Variants in FSTL4 observed in about 807,000 individuals in gnomAD.
FSTL4 encodes the protein follistatin like 4, also known as follistatin-related protein 4.
A neutral mutation model predicts 78.2 loss-of-function variants in FSTL4; 28 were observed. The ratio of observed to expected loss-of-function variants is 0.36; its 90% CI spans 0.27 to 0.49. The LOEUF (loss-of-function observed/expected upper bound fraction) is 0.49. Among genes scored for constraint, FSTL4 ranks in the 20% least tolerant of loss-of-function variants. The probability of loss-of-function intolerance (pLI) is 0.98; values close to 1 mark genes in which losing one functional copy is unlikely to be tolerated. For synonymous variants in FSTL4, 422 were observed against 440.5 expected (o/e 0.96, Z 0.53); for missense variants, 922 against 1,084.9 (o/e 0.85, Z 2.11).
At chr5:133,763,455 CAT>C in the FSTL4 span, among the ~76,000 whole-genome samples, 1 of 152,192 alleles carries the variant, frequency 6.6e-6, no homozygotes, top group South Asian at 2.1e-4. Context: ...TCCCTTCGTG[CAT>C]TTATCTGCAT....
At chr5:133,439,334 G>A (rs1757102314) in intron 3 of FSTL4, among the ~76,000 whole-genome samples, 1 of 151,942 alleles carries the variant, frequency 6.6e-6, no homozygotes, top group Non-Finnish European at 1.5e-5. Flanking sequence ...ACATGACCGG[G>A]CCCAAACTTG....
At chr5:133,448,835 G>A (rs1757324651) in intron 3 of FSTL4, among the ~76,000 whole-genome samples, 1 of 151,904 alleles carries the variant, frequency 6.6e-6, no homozygotes, top group Non-Finnish European at 1.5e-5. Flanking sequence ...GTGATAAGAT[G>A]GGGTTTTAAA....
chr5:133,526,006 T>G (rs1031922551), intron 3 of FSTL4, among the ~76,000 whole-genome samples: 4 of 152,200 alleles, frequency 2.6e-5, no homozygotes, highest in Admixed American at 2.6e-4. Flanking sequence ...AGCAGCTTGT[T>G]ATTCTCTCAA....
intron 3 of FSTL4, among the ~76,000 whole-genome samples, chr5:133,508,341 CAT>C (rs1758654746): frequency 2.6e-5 from 4 of 152,208 alleles, no homozygotes. Context: ...GGTCAGGTCT[CAT>C]GTGTCAAATG....
chr5:133,480,386 G>A (rs10065066), intron 3 of FSTL4, among the ~76,000 whole-genome samples: 5,376 of 152,252 alleles, frequency 0.035, 311 homozygotes, highest in African/African-American at 0.12. Flanking sequence ...CGCAGAAACC[G>A]AGGCACTTAA....
chr5:133,410,700 C>T (rs1269754775), intron 3 of FSTL4, among the ~76,000 whole-genome samples: 1 of 152,174 alleles, frequency 6.6e-6, no homozygotes. Context: ...TAACAACATG[C>T]TTTTCTCCTT....
intron 4 of FSTL4, among the ~76,000 whole-genome samples, chr5:133,396,394 G>A (rs1056196604): frequency 6.6e-6 from 1 of 152,210 alleles, no homozygotes; most frequent in East Asian, 1.9e-4. Context: ...CCTTGAGCAC[G>A]TGCCACATTG....
chr5:133,310,481 T>C lies in FSTL4; in HGVS notation c.727+2173A>G, dbSNP rs185232419. ...GCTGGAGAGGCCTTCTCTTTCATCA[T>C]AGGCAATAGGGATGCTTCCATTTCC... On this transcript the variant is annotated intron_variant, in intron 6 of 15. Coordinates refer to ENST00000265342, the MANE Select transcript of FSTL4 (RefSeq NM_015082.2). Among the ~76,000 whole-genome samples, 209 of 152,304 alleles carry C rather than the reference T, an allele frequency of 1.4e-3. 2 individuals are homozygous for C. Among genetic ancestry groups the C allele is most frequent in the African/African-American group, 4.8e-3 (201 of 41,554 alleles).
chr5:133,399,771 A>G (rs1756170983), intron 4 of FSTL4, among the ~76,000 whole-genome samples: 1 of 152,234 alleles, frequency 6.6e-6, no homozygotes, highest in Non-Finnish European at 1.5e-5. Flanking sequence ...AACCTAAAGC[A>G]CATTCCTGAC....
At chr5:133,446,600 G>T (rs891388450) in intron 3 of FSTL4, among the ~76,000 whole-genome samples, 2 of 152,172 alleles carry the variant, frequency 1.3e-5, no homozygotes, top group African/African-American at 4.8e-5. Context: ...AGGAGAGCCT[G>T]CCTGGAACAC....
chr5:133,749,025 G>A, the FSTL4 span, among the ~76,000 whole-genome samples: 1 of 152,142 alleles, frequency 6.6e-6, no homozygotes, highest in East Asian at 1.9e-4. Flanking sequence ...TTGGTGCCTC[G>A]GGCAGGAGGA....
chr5:133,291,072 C>T (rs1018659273), intron 6 of FSTL4, among the ~76,000 whole-genome samples: 9 of 152,220 alleles, frequency 5.9e-5, no homozygotes, highest in African/African-American at 1.9e-4. Flanking sequence ...AAGACTCAAC[C>T]GCCCACTTGG....
At chr5:133,403,584 G>T (rs565434125) in intron 3 of FSTL4, among the ~76,000 whole-genome samples, 3 of 152,170 alleles carry the variant, frequency 2.0e-5, no homozygotes, top group Non-Finnish European at 2.9e-5. Flanking sequence ...CTAGGGGCTC[G>T]GATGGGGAGG....
the FSTL4 span, among the ~76,000 whole-genome samples, chr5:133,655,625 C>G: frequency 6.6e-6 from 1 of 151,924 alleles, no homozygotes; most frequent in African/African-American, 2.4e-5. Context: ...GTTCATGGAC[C>G]CAGAGGCCCA....
intron 4 of FSTL4, among the ~76,000 whole-genome samples, chr5:133,344,394 A>T (rs1169634297): frequency 1.3e-5 from 2 of 152,268 alleles, no homozygotes; most frequent in Non-Finnish European, 2.9e-5. Context: ...GAAAATGAAT[A>T]AAGAACATTA....
At chr5:133,592,884 A>G (rs1012776473) in intron 2 of FSTL4, among the ~76,000 whole-genome samples, 1 of 152,194 alleles carries the variant, frequency 6.6e-6, no homozygotes, top group Non-Finnish European at 1.5e-5. Context: ...CCATGAGTCA[A>G]ATAAACTTAC....
At position 133,511,639 on chromosome 5, in the gene FSTL4, A is replaced by C. The variant is rs115869420; in HGVS notation, c.160+55547T>G. Among the ~76,000 whole-genome samples the C allele has an allele frequency of 1.8e-3, 267 of 152,276 alleles. 1 individual carries two copies. The highest frequency in any genetic ancestry group is 6.1e-3 in the African/African-American group (254 of 41,552). On this transcript the variant is annotated intron_variant, in intron 3 of 15. Coordinates refer to ENST00000265342, the MANE Select transcript of FSTL4 (RefSeq NM_015082.2). ...AACTTTTTGAAAATTTACACTGAAA[A>C]AATGATTAATTTTTCAAGTGATTAA...
rs1210234630 is a variant in FSTL4 at position 133,440,080 on chromosome 5, AAGAGTCACCCTGG to A, written c.161-39107_161-39095del. ...TGCTGGGGTCGGGAGGAAGGAAAGG[AAGAGTCACCCTGG>A]AGCACAAGCCCTGGCTGTGGAAGAA... On this transcript the variant is annotated intron_variant, in intron 3 of 15. Transcript: ENST00000265342. The surrounding 1 kb of genome is among the most constrained non-coding windows in gnomAD (Gnocchi z 4.1). Among the ~76,000 whole-genome samples the A allele has an allele frequency of 6.6e-6, 1 of 152,098 alleles. No individual in the cohort carries two copies. Among genetic ancestry groups the A allele is most frequent in the East Asian group, 1.9e-4 (1 of 5,182 alleles).
At chr5:133,506,208 T>C (rs1239817876) in intron 3 of FSTL4, among the ~76,000 whole-genome samples, 1 of 152,206 alleles carries the variant, frequency 6.6e-6, no homozygotes, top group East Asian at 1.9e-4. Flanking sequence ...ATGGCAGAAA[T>C]ATGCTCTTAC....
Sources: allele counts gnomAD v4.1 joint callset (sites outside exome capture counted in the v4.1 genomes callset), GRCh38; gene constraint gnomAD v4.1.1; non-coding constraint Gnocchi (gnomAD v3.1); transcripts MANE v1.5; gene names NCBI Gene and HGNC (gene_info 2026-07-23, HGNC 2026-07-21).